Variants in ANKRD36C observed in about 807,000 individuals in gnomAD.
The protein encoded by ANKRD36C is ankyrin repeat domain 36C.
Under a neutral mutation model 276.4 loss-of-function variants are expected in ANKRD36C, and 61 were observed. The observed-to-expected ratio is 0.22, with a 90% CI of 0.18 to 0.27. The LOEUF is 0.27. Ranked by LOEUF, ANKRD36C falls within the 10% of genes least tolerant of loss-of-function variation. The pLI, the probability that ANKRD36C is intolerant of heterozygous loss-of-function variation, is 1.00. For synonymous variants in ANKRD36C, 483 were observed against 680.1 expected (o/e 0.71, Z 4.51); for missense variants, 1,447 against 2,032.3 (o/e 0.71, Z 5.54).
intron 34 of ANKRD36C, among the ~76,000 whole-genome samples, chr2:95,920,823 G>A (rs1677243420): frequency 6.7e-6 from 1 of 150,062 alleles, no homozygotes; most frequent in South Asian, 2.1e-4. Flanking sequence ...TCATGAAATA[G>A]CTATTTTATC....
At chr2:95,910,695 C>G in intron 42 of ANKRD36C, 127 bp from the exon 45 acceptor site, 2 of 1,529,162 alleles carry the variant, frequency 1.3e-6, no homozygotes, top group Non-Finnish European at 8.8e-7. Context: ...ATGGCTTCTA[C>G]TTTGTGTCTG....
rs550854735 is a variant in ANKRD36C, at chr2:95,911,725, C to G, written c.2653+519G>C. 2.0e-5 allele frequency among the ~76,000 whole-genome samples: 3 copies of G among 151,566 alleles called. No individual in the cohort carries two copies. The East Asian group carries it at 5.9e-4, about 30-fold the overall frequency. On this transcript the variant is annotated intron_variant, in intron 42 of 66. Coordinates refer to ENST00000456556, the Ensembl canonical transcript of ANKRD36C. The stretch of plus-strand genomic sequence containing the variant: ...TCTGAAGTGAGTTCACTCAGGATTC[C>G]TCCGCAGTAACCCCAAAATTATATA...
rs1678592535 is a variant in ANKRD36C at position 95,966,418 on chromosome 2, A to G, written c.800-3871T>C. 2.0e-5 allele frequency among the ~76,000 whole-genome samples: 3 copies of G among 152,202 alleles called. No homozygotes were observed. In the South Asian group the frequency reaches 6.2e-4, roughly 32 times the overall value. Reference sequence around the variant, plus strand: ...CAGTTTTCCCAACACAATTTATTAAATAGGGAATCCTTACCCCATTCCTTT... The same window carrying G: ...CAGTTTTCCCAACACAATTTATTAAGTAGGGAATCCTTACCCCATTCCTTT... On this transcript the variant is annotated intron_variant, in intron 6 of 66. Transcript: ENST00000456556.
chr2:95,870,222 C>T (rs558581820), intron 59 of ANKRD36C, among the ~76,000 whole-genome samples: 4 of 152,202 alleles, frequency 2.6e-5, no homozygotes, highest in Non-Finnish European at 5.9e-5. Flanking sequence ...CAAGTGAGAC[C>T]CTGACCACTG....
intron 44 of ANKRD36C, among the ~76,000 whole-genome samples, chr2:95,892,590 T>G (rs1676405146): frequency 6.6e-6 from 1 of 151,538 alleles, no homozygotes; most frequent in Non-Finnish European, 1.5e-5. Flanking sequence ...CTATACAAAG[T>G]AAAGCTGCTA....
Position 95,891,821 on chromosome 2 carries a change from A to C in ANKRD36C, c.2784+11T>G, listed in dbSNP as rs755879351. The C allele has an allele frequency of 8.3e-6, 13 of 1,559,800 alleles. No individual in the cohort carries two copies. The highest frequency in any genetic ancestry group is 1.0e-5 in the Non-Finnish European group (12 of 1,152,142). On this transcript the variant is annotated intron_variant, in intron 45 of 66. Coordinates refer to ENST00000456556, the Ensembl canonical transcript of ANKRD36C. ...TTTACTAGTTCACAATATAAATGAC[A>C]GTTTCATTACCTTCAAGCCTGATGG...
At chr2:95,922,948 T>C (rs1041828939) in intron 32 of ANKRD36C, among the ~76,000 whole-genome samples, 5 of 151,662 alleles carry the variant, frequency 3.3e-5, no homozygotes, top group African/African-American at 9.7e-5. Context: ...TAAATGCATC[T>C]GAAGTGAGTT....
At chr2:95,897,120 C>G (rs999936701) in intron 44 of ANKRD36C, 150 bp downstream of exon 60, 6 of 1,039,850 alleles carry the variant, frequency 5.8e-6, no homozygotes, top group Non-Finnish European at 8.1e-6. Context: ...GCAGCATCAT[C>G]ATCACCCACA....
Position 95,914,093 on chromosome 2 carries a change from T to G in ANKRD36C, c.2551+15A>C, listed in dbSNP as rs1188013171. On this transcript the variant is annotated intron_variant, in intron 40 of 66. Transcript: ENST00000456556. ...TCTCGACTGATCATGACATTAAATC[T>G]CTTTTCAAAATTACCTCTCCTAGTT... The G allele has an allele frequency of 2.6e-6, 4 of 1,552,734 alleles. No individual in the cohort carries two copies. Among genetic ancestry groups the G allele is most frequent in the Non-Finnish European group, 3.5e-6 (4 of 1,144,998 alleles).
chr2:95,855,817 G>A (rs1170955992), exon 63 of ANKRD36C: 3 of 1,613,770 alleles, frequency 1.9e-6, no homozygotes, highest in Admixed American at 3.3e-5. Context: ...TTTGATGAGT[G>A]ACTTTGATCA....
chr2:95,983,896 G>A (rs930583574), intron 3 of ANKRD36C, among the ~76,000 whole-genome samples: 109 of 151,756 alleles, frequency 7.2e-4, no homozygotes, highest in Non-Finnish European at 1.1e-3. Context: ...GATTACAGGC[G>A]TGAGCCACTG....
intron 19 of ANKRD36C, 53 bp from the exon 20 acceptor site, chr2:95,941,252 A>C (rs1157828590): frequency 1.3e-5 from 19 of 1,413,462 alleles, no homozygotes; most frequent in Non-Finnish European, 1.6e-5. Context: ...TTACTACTCA[A>C]TCGGTCAGTA....
intron 13 of ANKRD36C, among the ~76,000 whole-genome samples, chr2:95,954,944 C>T (rs1348278582): frequency 6.6e-6 from 1 of 152,170 alleles, no homozygotes; most frequent in Non-Finnish European, 1.5e-5. Flanking sequence ...AGCCCAGATT[C>T]CTCAAAAGAT....
intron 35 of ANKRD36C, 29 bp from the exon 38 acceptor site, chr2:95,917,956 A>G (rs765473179): frequency 6.3e-7 from 1 of 1,599,216 alleles, no homozygotes; most frequent in South Asian, 1.1e-5. Context: ...AAAATAATAA[A>G]TAAATAAATC....
chr2:95,912,018 A>G (rs1676942285), intron 42 of ANKRD36C, among the ~76,000 whole-genome samples: 2 of 151,420 alleles, frequency 1.3e-5, no homozygotes, highest in Non-Finnish European at 1.5e-5. Flanking sequence ...ACTGCTCTCC[A>G]TATTTCTTCC....
At chr2:95,866,946 G>T (rs1393261922) in intron 60 of ANKRD36C, among the ~76,000 whole-genome samples, 1 of 152,176 alleles carries the variant, frequency 6.6e-6, no homozygotes, top group Non-Finnish European at 1.5e-5. Flanking sequence ...ACAGAGAAGG[G>T]TATGCAGTGA....
rs1405629374 is a variant in ANKRD36C, at chr2:95,906,525, A to G, written c.2653+5719T>C. ...ATTAGAAATGAAGAATCTCAGGCCTACTGAATCAGAATGTGCAGTTTCGAC... is the reference window on the plus strand; with the variant it reads ...ATTAGAAATGAAGAATCTCAGGCCTGCTGAATCAGAATGTGCAGTTTCGAC... On this transcript the variant is annotated intron_variant, in intron 42 of 66. Transcript: ENST00000456556. 1.9e-5 allele frequency: 5 copies of G among 269,732 alleles called. 1 individual carries two copies. Among genetic ancestry groups the G allele is most frequent in the East Asian group, 3.0e-4 (2 of 6,626 alleles). 16.7% of individuals were successfully genotyped at this position (269,732 alleles called of 1,614,324 possible).
chr2:95,983,518 T>G (rs2104539497), intron 3 of ANKRD36C, among the ~76,000 whole-genome samples: 1 of 152,036 alleles, frequency 6.6e-6, no homozygotes, highest in African/African-American at 2.4e-5. Context: ...GCTTATCAAT[T>G]AAAGCTCTAA....
At chr2:95,976,527 A>G (rs1398122805) in intron 6 of ANKRD36C, among the ~76,000 whole-genome samples, 2 of 152,202 alleles carry the variant, frequency 1.3e-5, no homozygotes, top group Non-Finnish European at 2.9e-5. Context: ...CAAGGAGCAG[A>G]TAAGAAGACC....
Sources: allele counts gnomAD v4.1 joint callset (sites outside exome capture counted in the v4.1 genomes callset), GRCh38; gene constraint gnomAD v4.1.1; transcripts MANE v1.5; gene names NCBI Gene and HGNC (gene_info 2026-07-23, HGNC 2026-07-21).